Variants in MEAK7 observed in about 807,000 individuals in gnomAD.
The protein encoded by MEAK7 is MTOR-associated protein MEAK7.
A neutral mutation model predicts 40.5 loss-of-function variants in MEAK7; 68 were observed. The ratio of observed to expected loss-of-function variants is 1.68; its 90% CI spans 1.38 to 2.06. The LOEUF is 2.06. Ranked by LOEUF, MEAK7 falls within the 30% of genes most tolerant of loss-of-function variation. MEAK7 has a pLI of 0.00. For missense variants in MEAK7, 918 were observed against 580.5 expected (o/e 1.58, Z -5.98); for synonymous variants, 338 against 231.9 (o/e 1.46, Z -4.16).
rs1483233938 is a variant in MEAK7 at position 84,486,842 on chromosome 16, G to T, written c.747C>A (p.Leu249=). The T allele has an allele frequency of 6.2e-7, 1 of 1,614,078 alleles. No homozygotes were observed. The highest frequency in any genetic ancestry group is 1.7e-5 in the Admixed American group (1 of 60,006). ...GCTGGGCGTTGATGTACATGACAGA[G>T]AGGACATCCAGGATGCTCTCAAAAC... ...GRGFESILDV[L]SVMYINAQLP... is the part of the protein sequence containing the mutation. Residue 249 remains leucine, a synonymous_variant, in exon 5 of 8, where the codon CTC becomes CTA. Coordinates refer to ENST00000343629, the MANE Select transcript of MEAK7 (RefSeq NM_020947.4).
At chr16:84,490,443 C>CCT (rs1913477714) in intron 3 of MEAK7, among the ~76,000 whole-genome samples, 1 of 93,892 alleles carries the variant, frequency 1.1e-5, no homozygotes, top group Non-Finnish European at 1.9e-5. Flanking sequence ...TCTGCCCCGC[C>CCT]TTTTTTTTTT....
At chr16:84,497,352 G>C in intron 2 of MEAK7, 1 of 1,183,942 alleles carries the variant, frequency 8.4e-7, no homozygotes, top group Non-Finnish European at 1.1e-6. Context: ...TGCAAGATGA[G>C]CCTTGAATCT....
chr16:84,496,605 A>G (rs986026690), intron 2 of MEAK7, among the ~76,000 whole-genome samples: 5 of 152,090 alleles, frequency 3.3e-5, no homozygotes, highest in Admixed American at 3.3e-4. Flanking sequence ...ATCACAGGAA[A>G]ATAAGTAGGG....
At chr16:84,489,443 C>T in intron 3 of MEAK7, 21 bp from the exon 4 acceptor site, 1 of 1,590,290 alleles carries the variant, frequency 6.3e-7, no homozygotes, top group East Asian at 2.3e-5. Flanking sequence ...ACAATTTTAC[C>T]ATTAAAAACA....
intron 1 of MEAK7, among the ~76,000 whole-genome samples, chr16:84,503,451 C>A (rs1052995084): frequency 6.6e-6 from 1 of 152,162 alleles, no homozygotes; most frequent in Non-Finnish European, 1.5e-5. Context: ...TTCCCACTTG[C>A]CCATGCTATA....
intron 5 of MEAK7, among the ~76,000 whole-genome samples, chr16:84,485,661 TCC>T (rs1912976301): frequency 2.4e-5 from 2 of 82,888 alleles, no homozygotes; most frequent in South Asian, 3.2e-4. Context: ...CATCCATCCA[TCC>T]ATCTATCTAC....
At chr16:84,484,760 C>G (rs967843193) in intron 5 of MEAK7, among the ~76,000 whole-genome samples, 1 of 152,192 alleles carries the variant, frequency 6.6e-6, no homozygotes, top group African/African-American at 2.4e-5. Flanking sequence ...GGACAGCACG[C>G]TCTCCGAACT....
chr16:84,499,198 G>A (rs1183727726), intron 1 of MEAK7, among the ~76,000 whole-genome samples: 3 of 152,130 alleles, frequency 2.0e-5, no homozygotes, highest in Non-Finnish European at 2.9e-5. Flanking sequence ...TCAAGCAATC[G>A]GGGGATTCAA....
chr16:84,489,307 G>A lies in MEAK7; in HGVS notation c.500C>T (p.Ala167Val), dbSNP rs1268333517. The A allele has an allele frequency of 1.9e-6, 3 of 1,614,038 alleles. No individual in the cohort carries two copies. Among genetic ancestry groups the A allele is most frequent in the Non-Finnish European group, 2.5e-6 (3 of 1,180,024 alleles). The change falls in exon 4 of 8, where the codon GCT (alanine) becomes GTT (valine). Residue 167 changes from alanine to valine, a missense_variant. Transcript: ENST00000343629. ...CAGCTTCATGTCAGAGAGCAGCTGA[G>A]CAGCCAGCACCTGCACCCGGGGGTT... ...GPNPRVQVLA[A>V]QLLSDMKLQD...
chr16:84,501,364 G>C (rs1186079680), intron 1 of MEAK7, among the ~76,000 whole-genome samples: 1 of 152,018 alleles, frequency 6.6e-6, no homozygotes, highest in East Asian at 1.9e-4. Flanking sequence ...CAGCAGAAGG[G>C]GGCCCAGGCC....
intron 1 of MEAK7, among the ~76,000 whole-genome samples, chr16:84,501,324 G>C (rs1166314804): frequency 6.6e-6 from 1 of 151,908 alleles, no homozygotes; most frequent in Non-Finnish European, 1.5e-5. Flanking sequence ...GTGGAACTCA[G>C]GGCACGTGGG....
intron 3 of MEAK7, among the ~76,000 whole-genome samples, chr16:84,490,557 C>A (rs1913496343): frequency 1.4e-5 from 2 of 139,622 alleles, no homozygotes; most frequent in African/African-American, 5.3e-5. Flanking sequence ...AAATACCAGT[C>A]ATTTTTGTCC....
chr16:84,491,664 C>A (rs1172046081), intron 3 of MEAK7, among the ~76,000 whole-genome samples: 3 of 151,244 alleles, frequency 2.0e-5, no homozygotes, highest in Non-Finnish European at 4.4e-5. Context: ...TGGTGAAACC[C>A]CATCTCTACT....
intron 1 of MEAK7, among the ~76,000 whole-genome samples, chr16:84,498,906 G>A (rs564213744): frequency 6.6e-6 from 1 of 152,316 alleles, no homozygotes; most frequent in East Asian, 1.9e-4. Flanking sequence ...TCCTAGCTGT[G>A]TAGTCTTGGG....
Position 84,476,400 on chromosome 16 carries a change from G to C in MEAK7, c.*3513C>G, listed in dbSNP as rs1367526680. 4 of 152,030 alleles carry C rather than the reference G, an allele frequency of 2.6e-5. No individual in the cohort carries two copies. The highest frequency in any genetic ancestry group is 9.7e-5 in the African/African-American group (4 of 41,378). 9.4% of individuals were successfully genotyped at this position (152,030 alleles called of 1,614,324 possible). A position where few individuals can be genotyped will look rare whatever the true frequency, so the allele number is the denominator to read the frequency against. ...TTAATACAGTTTTGCTGAAAACATG[G>C]CAAACAGGCACCCCGGTATATTGAG... On this transcript the variant is annotated 3_prime_UTR_variant, in exon 8 of 8. Coordinates refer to ENST00000343629, the MANE Select transcript of MEAK7 (RefSeq NM_020947.4).
At chr16:84,491,696 G>C (rs1274067274) in intron 3 of MEAK7, among the ~76,000 whole-genome samples, 2 of 151,756 alleles carry the variant, frequency 1.3e-5, no homozygotes, top group African/African-American at 2.4e-5. Context: ...AAATTACCTG[G>C]GCGTGGTGGC....
At chr16:84,503,423 C>T (rs1385328339) in intron 1 of MEAK7, among the ~76,000 whole-genome samples, 1 of 152,108 alleles carries the variant, frequency 6.6e-6, no homozygotes, top group Non-Finnish European at 1.5e-5. Context: ...TCCACTGATC[C>T]CCACCCTGCT....
At chr16:84,500,553 C>G (rs1233486154) in intron 1 of MEAK7, among the ~76,000 whole-genome samples, 1 of 152,180 alleles carries the variant, frequency 6.6e-6, no homozygotes, top group African/African-American at 2.4e-5. Context: ...CACTGGGGGG[C>G]TCCTTGGAAG....
chr16:84,483,641 C>T (rs1333542392), intron 5 of MEAK7, among the ~76,000 whole-genome samples: 2 of 152,208 alleles, frequency 1.3e-5, no homozygotes, highest in Non-Finnish European at 2.9e-5. Context: ...AGCAAGCCAA[C>T]AGGGCTCAGT....
Sources: gnomAD v4.1 joint callset for allele counts (sites outside exome capture counted in the v4.1 genomes callset) on GRCh38, gnomAD v4.1.1 for gene constraint, MANE v1.5 for transcripts, NCBI Gene and HGNC (gene_info 2026-07-23, HGNC 2026-07-21) for gene names.